Variants in ATR observed in about 807,000 individuals in gnomAD.
ATR encodes ATR checkpoint kinase.
A neutral mutation model predicts 305.3 loss-of-function variants in ATR; 142 were observed. The observed-to-expected ratio is 0.47, with a 90% CI of 0.41 to 0.53. The LOEUF is 0.53. Ranked by LOEUF, ATR falls within the 20% of genes least tolerant of loss-of-function variation. ATR has a pLI of 0.00. For missense variants in ATR, 2,135 were observed against 3,133.1 expected (o/e 0.68, Z 7.60); for synonymous variants, 1,050 against 1,068.1 (o/e 0.98, Z 0.33).
intron 1 of ATR, among the ~76,000 whole-genome samples, chr3:142,572,078 T>C (rs1317675307): frequency 6.6e-6 from 1 of 151,436 alleles, no homozygotes; most frequent in Non-Finnish European, 1.5e-5. Flanking sequence ...TTTTCTTTTT[T>C]TTTTCTTTTG....
rs748156172 is a variant in ATR at position 142,470,189 on chromosome 3, A to AT, written c.6222-7dup. 4 of 1,573,816 alleles carry AT rather than the reference A, an allele frequency of 2.5e-6. No homozygotes were observed. The highest frequency in any genetic ancestry group is 3.5e-6 in the Non-Finnish European group (4 of 1,145,888). On this transcript the variant is annotated splice_polypyrimidine_tract_variant and splice_region_variant and intron_variant, in intron 36 of 46. Coordinates refer to ENST00000350721, the MANE Select transcript of ATR (RefSeq NM_001184.4). ...GATTTCCATATTGTAGAGATCTGCAATTATATAGACAAGAAACACTATTAG... is the reference window on the plus strand; with the variant it reads ...GATTTCCATATTGTAGAGATCTGCAATTTATATAGACAAGAAACACTATTAG...
rs1386658075 is a variant in ATR at position 142,561,480 on chromosome 3, C to T, written c.1171-59G>A. On this transcript the variant is annotated intron_variant, in intron 4 of 46. Coordinates refer to ENST00000350721, the MANE Select transcript of ATR (RefSeq NM_001184.4). ...CCTTAGAAAATATATTTATATTATT[C>T]ATAGGCAGCAAGAATGTATTAGATG... The T allele has an allele frequency of 2.0e-6, 3 of 1,496,560 alleles. No homozygotes were observed. The African/African-American group carries it at 4.2e-5, about 21-fold the overall frequency. 92.7% of individuals were successfully genotyped at this position (1,496,560 alleles called of 1,614,324 possible). A position where few individuals can be genotyped will look rare whatever the true frequency, so the allele number is the denominator to read the frequency against.
intron 6 of ATR, among the ~76,000 whole-genome samples, 163 bp downstream of exon 6, chr3:142,560,100 A>T (rs2034821556): frequency 6.6e-6 from 1 of 152,240 alleles, no homozygotes; most frequent in Non-Finnish European, 1.5e-5. Context: ...TACAGTGCTT[A>T]GCACCGTACC....
chr3:142,451,796 G>A, intron 46 of ATR: 1 of 1,231,388 alleles, frequency 8.1e-7, no homozygotes, highest in Non-Finnish European at 1.0e-6. Context: ...GCTTTGTCCA[G>A]TTAGATATGT....
chr3:142,514,156 C>A (rs186537044), intron 25 of ATR, among the ~76,000 whole-genome samples: 11 of 151,836 alleles, frequency 7.2e-5, no homozygotes, highest in South Asian at 2.1e-4. Flanking sequence ...GCCTGTAGTT[C>A]CAGATACTCG....
At chr3:142,484,231 T>C (rs1237711059) in intron 36 of ATR, among the ~76,000 whole-genome samples, 1 of 152,206 alleles carries the variant, frequency 6.6e-6, no homozygotes, top group African/African-American at 2.4e-5. Context: ...GAAGGAATGC[T>C]ACATAGAAAA....
intron 16 of ATR, among the ~76,000 whole-genome samples, chr3:142,543,452 C>T (rs2034136169): frequency 6.8e-6 from 1 of 146,960 alleles, no homozygotes; most frequent in South Asian, 2.2e-4. Context: ...CTTCCTCCCT[C>T]CTTTCCTCCC....
At chr3:142,542,563 T>C in intron 17 of ATR, 102 bp downstream of exon 17, 1 of 1,063,124 alleles carries the variant, frequency 9.4e-7, no homozygotes, top group Non-Finnish European at 1.4e-6. Flanking sequence ...GAGAATGTCA[T>C]ATTTGGTTAT....
Position 142,485,570 on chromosome 3 carries a change from T to C in ATR, c.6079-288A>G, listed in dbSNP as rs78820355. ...CCATTTATGTCACCACTTTAAAAGA[T>C]ACATCAAAGTAGTGTCTGGATGGGT... On this transcript the variant is annotated intron_variant, in intron 35 of 46. Coordinates refer to ENST00000350721, the MANE Select transcript of ATR (RefSeq NM_001184.4). Among the ~76,000 whole-genome samples, 95 of 152,320 alleles carry C rather than the reference T, an allele frequency of 6.2e-4. 2 individuals are homozygous for C. In the East Asian group the frequency reaches 0.018, roughly 28 times the overall value.
chr3:142,553,141 A>G, intron 13 of ATR, 86 bp downstream of exon 13: 1 of 1,488,532 alleles, frequency 6.7e-7, no homozygotes, highest in African/African-American at 1.4e-5. Flanking sequence ...AGCAAGCAAA[A>G]TAAAACATGT....
At chr3:142,481,523 T>C (rs2030484092) in intron 36 of ATR, among the ~76,000 whole-genome samples, 1 of 152,196 alleles carries the variant, frequency 6.6e-6, no homozygotes. Flanking sequence ...ACTTTTGAAA[T>C]CATAAAGCCA....
intron 36 of ATR, among the ~76,000 whole-genome samples, chr3:142,476,731 GA>G (rs2071465458): frequency 6.6e-6 from 1 of 152,170 alleles, no homozygotes; most frequent in South Asian, 2.1e-4. Context: ...CATGAGCATG[GA>G]ATGTTCTTCC....
chr3:142,495,587 A>C (rs2031536990), intron 34 of ATR, among the ~76,000 whole-genome samples: 1 of 151,972 alleles, frequency 6.6e-6, no homozygotes, highest in Admixed American at 6.6e-5. Flanking sequence ...TACTAAAAAT[A>C]CAAAAAATTA....
intron 18 of ATR, 93 bp from the exon 19 acceptor site, chr3:142,538,718 T>C (rs1019448676): frequency 6.8e-7 from 1 of 1,468,804 alleles, no homozygotes; most frequent in Non-Finnish European, 9.4e-7. Context: ...ACATGATATA[T>C]ACAAACAATA....
Position 142,555,897 on chromosome 3 carries a change from A to ATT in ATR, c.2319_2320dup (p.Ile774LysfsTer6). 6 of 1,508,850 alleles carry ATT rather than the reference A, an allele frequency of 4.0e-6. No homozygotes were observed. In the Admixed American group the frequency reaches 5.4e-5, roughly 14 times the overall value. The allele number at this position is 1,508,850 out of a possible 1,614,324, so 93.5% of individuals were successfully genotyped here. ...CTCACCAAGTTTTACTGGACTAGGT[A>ATT]TTTTTTTTTTCAGTAGGAAAAGGAA... is the stretch of plus-strand genomic sequence containing the variant. On this transcript the variant is annotated frameshift_variant, in exon 10 of 47. Coordinates refer to ENST00000350721, the MANE Select transcript of ATR (RefSeq NM_001184.4). LOFTEE classifies it high-confidence loss of function.
At chr3:142,501,509 A>G (rs527816814) in intron 30 of ATR, among the ~76,000 whole-genome samples, 1 of 152,274 alleles carries the variant, frequency 6.6e-6, no homozygotes, top group East Asian at 1.9e-4. Context: ...GAACCTATAC[A>G]AACAGTACTT....
At chr3:142,492,295 C>G (rs1182113555) in intron 35 of ATR, among the ~76,000 whole-genome samples, 8 of 152,200 alleles carry the variant, frequency 5.3e-5, no homozygotes, top group African/African-American at 9.7e-5. Flanking sequence ...ATCCTGTAAT[C>G]TGAATGAATC....
At chr3:142,543,999 T>C (rs991916198) in intron 16 of ATR, among the ~76,000 whole-genome samples, 7 of 152,104 alleles carry the variant, frequency 4.6e-5, no homozygotes, top group African/African-American at 1.7e-4. Context: ...GAGAAGGTCC[T>C]GGAGGAGAGG....
At chr3:142,471,459 T>C (rs1002003348) in intron 36 of ATR, among the ~76,000 whole-genome samples, 5 of 152,218 alleles carry the variant, frequency 3.3e-5, no homozygotes, top group Admixed American at 6.5e-5. Context: ...TTTAATGACA[T>C]AGAATTGCAT....
Sources: allele counts gnomAD v4.1 joint callset (sites outside exome capture counted in the v4.1 genomes callset), GRCh38; gene constraint gnomAD v4.1.1; transcripts MANE v1.5; gene names NCBI Gene and HGNC (gene_info 2026-07-23, HGNC 2026-07-21).